RGMA: variants seen among roughly 807,000 people sequenced by gnomAD.
RGMA encodes the protein repulsive guidance molecule A.
A neutral mutation model predicts 23.2 loss-of-function variants in RGMA; 10 were observed. The ratio of observed to expected loss-of-function variants is 0.43; its 90% CI spans 0.27 to 0.73. The LOEUF (loss-of-function observed/expected upper bound fraction) is 0.73. Ranked by LOEUF, RGMA falls within the 30% of genes least tolerant of loss-of-function variation. The pLI is 0.20. For missense variants in RGMA, 547 were observed against 630.5 expected, an observed-to-expected ratio of 0.87 and a Z score of 1.42; for synonymous variants, 308 against 279.3, an observed-to-expected ratio of 1.10 and a Z score of -1.03.
intron 2 of RGMA, 39 bp downstream of exon 2, chr15:93,072,877 A>AG: frequency 6.4e-7 from 1 of 1,570,820 alleles, no homozygotes; most frequent in Non-Finnish European, 8.6e-7. Flanking sequence ...GGGGCGGCCC[A>AG]GGGACCCGGC....
chr15:93,051,579 C>T lies in RGMA; in HGVS notation c.645+414G>A, dbSNP rs549101568. The stretch of plus-strand genomic sequence containing the variant: ...GCGGCCCCATGAGCAGGACCTGAGT[C>T]CTGCTGCCCACTTGCTGAGGCCTCC... On this transcript the variant is annotated intron_variant, in intron 3 of 3. Coordinates refer to ENST00000329082, the MANE Select transcript of RGMA (RefSeq NM_020211.3). 7.1e-4 allele frequency among the ~76,000 whole-genome samples: 108 copies of T among 152,310 alleles called. 1 individual carries two copies. The highest frequency in any genetic ancestry group is 2.1e-3 in the South Asian group (10 of 4,822).
chr15:93,083,911 G>A (rs1567197154), intron 1 of RGMA, among the ~76,000 whole-genome samples: 1 of 152,100 alleles, frequency 6.6e-6, no homozygotes, highest in Non-Finnish European at 1.5e-5. Context: ...ATCAATAAAT[G>A]GGAGCCCACC....
At chr15:93,088,871 C>T (rs1226837108) in intron 1 of RGMA, 48 bp downstream of exon 1, 35 of 1,486,654 alleles carry the variant, frequency 2.4e-5, no homozygotes, top group South Asian at 1.2e-5. Context: ...TCGGCGGCGC[C>T]TCGGAGATGT....
chr15:93,053,160 C>T (rs550292803), intron 2 of RGMA, among the ~76,000 whole-genome samples: 2 of 152,332 alleles, frequency 1.3e-5, no homozygotes, highest in South Asian at 4.1e-4. Flanking sequence ...CATCCTCTGT[C>T]CTGCTCAGAG....
At chr15:93,046,126 C>A (rs1688342384) in intron 3 of RGMA, among the ~76,000 whole-genome samples, 1 of 152,032 alleles carries the variant, frequency 6.6e-6, no homozygotes, top group African/African-American at 2.4e-5. Context: ...CAAAAGGGAC[C>A]CTGCAGATAT....
intron 2 of RGMA, among the ~76,000 whole-genome samples, chr15:93,054,495 T>C (rs1167455144): frequency 1.4e-5 from 1 of 69,828 alleles, no homozygotes; most frequent in Non-Finnish European, 4.1e-5. Flanking sequence ...ATAAGTCTCA[T>C]GAGATCTGAT....
At chr15:93,070,353 G>A (rs896022596) in intron 2 of RGMA, among the ~76,000 whole-genome samples, 4 of 152,192 alleles carry the variant, frequency 2.6e-5, no homozygotes, top group Non-Finnish European at 4.4e-5. Context: ...AGGCTTTCAC[G>A]CAGTTGCTCG....
In RGMA at chr15:93,074,700, A is replaced by G. The variant is rs77310501; in HGVS notation, c.15-1669T>C. ...TCCCAGTGAAAGCCCACCATCGAAA[A>G]TGCTCTTCCTTTCAAGCTTGGCCAG... On this transcript the variant is annotated intron_variant, in intron 1 of 3. Coordinates refer to ENST00000329082, the MANE Select transcript of RGMA (RefSeq NM_020211.3). 8.5e-4 allele frequency among the ~76,000 whole-genome samples: 129 copies of G among 152,252 alleles called. 1 individual carries two copies. In the East Asian group the frequency reaches 0.024, roughly 29 times the overall value.
chr15:93,049,874 G>A (rs2054889550), intron 3 of RGMA, among the ~76,000 whole-genome samples: 1 of 152,190 alleles, frequency 6.6e-6, no homozygotes, highest in Admixed American at 6.5e-5. Flanking sequence ...AGTCTGGCAG[G>A]CCCAGAGGGC....
intron 3 of RGMA, among the ~76,000 whole-genome samples, chr15:93,046,046 T>C (rs994479437): frequency 3.3e-5 from 5 of 152,116 alleles, no homozygotes; most frequent in African/African-American, 1.2e-4. Flanking sequence ...CCCAGTGTGG[T>C]AGGCTGAATA....
chr15:93,075,742 G>C lies in RGMA; in HGVS notation c.15-2711C>G, dbSNP rs141212216. Reference sequence around the variant, plus strand: ...GTTCCAGTGTCCCTGCCGGGAGACGGGTACTGGCTGCCTTTTTAGGAGGAG... The same window carrying C: ...GTTCCAGTGTCCCTGCCGGGAGACGCGTACTGGCTGCCTTTTTAGGAGGAG... On this transcript the variant is annotated intron_variant, in intron 1 of 3. Transcript: ENST00000329082. Among the ~76,000 whole-genome samples the C allele has an allele frequency of 3.0e-3, 457 of 152,294 alleles. 3 individuals carry two copies. The highest frequency in any genetic ancestry group is 9.3e-3 in the African/African-American group (387 of 41,552).
At chr15:93,054,648 T>G (rs939629569) in intron 2 of RGMA, among the ~76,000 whole-genome samples, 41 of 152,308 alleles carry the variant, frequency 2.7e-4, no homozygotes, top group African/African-American at 9.6e-4. Flanking sequence ...ACCTCTTTCC[T>G]TTATAAATTA....
intron 2 of RGMA, among the ~76,000 whole-genome samples, chr15:93,065,044 C>T (rs1314791818): frequency 6.6e-6 from 1 of 150,888 alleles, no homozygotes. Context: ...GCAGTGGGAT[C>T]TCGGCTCACT....
At chr15:93,067,560 G>A (rs1895197144) in intron 2 of RGMA, among the ~76,000 whole-genome samples, 1 of 152,192 alleles carries the variant, frequency 6.6e-6, no homozygotes, top group African/African-American at 2.4e-5. Context: ...CCGGCGTCGG[G>A]GGGGTCTGCA....
intron 1 of RGMA, among the ~76,000 whole-genome samples, chr15:93,074,886 C>T (rs924491221): frequency 2.4e-4 from 37 of 152,334 alleles, no homozygotes; most frequent in African/African-American, 7.7e-4. Context: ...CTGCCTTTCA[C>T]GAGCTAGTTC....
chr15:93,084,251 T>C (rs1895602434), intron 1 of RGMA, among the ~76,000 whole-genome samples: 1 of 152,178 alleles, frequency 6.6e-6, no homozygotes, highest in Non-Finnish European at 1.5e-5. Context: ...TGGCAACACA[T>C]TTCTAAGTCA....
rs1447545694 is a variant in RGMA at position 93,045,788 on chromosome 15, G to A, written c.646-83C>T. On this transcript the variant is annotated intron_variant, in intron 3 of 3. Transcript: ENST00000329082. The surrounding 1 kb of genome is among the most constrained non-coding windows in gnomAD (Gnocchi z 6.9). ...CCACACTTAAGATGCTCTAGACTGA[G>A]AGGAGGGCAGGAAGGATCCCCAGGG... is the stretch of plus-strand genomic sequence containing the variant. 9 of 1,037,852 alleles carry A rather than the reference G, an allele frequency of 8.7e-6. No individual in the cohort carries two copies. The highest frequency in any genetic ancestry group is 1.6e-5 in the African/African-American group (1 of 64,248). The allele number at this position is 1,037,852 out of a possible 1,614,324, so 64.3% of individuals were successfully genotyped here.
intron 2 of RGMA, among the ~76,000 whole-genome samples, chr15:93,070,637 G>A (rs776755312): frequency 4.6e-5 from 7 of 152,120 alleles, no homozygotes; most frequent in Non-Finnish European, 8.8e-5. Context: ...CACAAGTTTT[G>A]GAGCCCCCAG....
At chr15:93,080,943 T>C (rs908768351) in intron 1 of RGMA, among the ~76,000 whole-genome samples, 1 of 152,218 alleles carries the variant, frequency 6.6e-6, no homozygotes, top group Non-Finnish European at 1.5e-5. Flanking sequence ...TGAGACTTCC[T>C]ATCACACCTA....
Sources: allele counts gnomAD v4.1 joint callset (sites outside exome capture counted in the v4.1 genomes callset), GRCh38; gene constraint gnomAD v4.1.1; non-coding constraint Gnocchi (gnomAD v3.1); transcripts MANE v1.5; gene names NCBI Gene and HGNC (gene_info 2026-07-23, HGNC 2026-07-21).